The following RBFOX1 variants were observed in gnomAD, a reference collection of about 807,000 sequenced individuals.
RBFOX1 encodes RNA binding protein fox-1 homolog 1.
A neutral mutation model predicts 57.7 loss-of-function variants in RBFOX1; 8 were observed. The ratio of observed to expected loss-of-function variants is 0.14; its 90% CI spans 0.08 to 0.25. The LOEUF is 0.25. Among genes scored for constraint, RBFOX1 ranks in the 10% least tolerant of loss-of-function variants. RBFOX1 has a pLI of 1.00. For synonymous variants in RBFOX1, 326 were observed against 222.4 expected (o/e 1.47, Z -4.15); for missense variants, 611 against 548.5 (o/e 1.11, Z -1.14).
chr16:6,774,423 C>G (rs1471783776), intron 3 of RBFOX1, among the ~76,000 whole-genome samples: 2 of 152,136 alleles, frequency 1.3e-5, no homozygotes, highest in East Asian at 1.9e-4. Context: ...AACTGGGACT[C>G]TAAATAATAG....
intron 1 of RBFOX1, among the ~76,000 whole-genome samples, chr16:6,156,306 T>A (rs2152734736): frequency 6.6e-6 from 1 of 152,332 alleles, no homozygotes. Flanking sequence ...ATTGATTTTG[T>A]TAAAGGATTG....
intron 4 of RBFOX1, among the ~76,000 whole-genome samples, chr16:7,401,493 A>G (rs1880817563): frequency 6.6e-6 from 1 of 152,234 alleles, no homozygotes; most frequent in African/African-American, 2.4e-5. Flanking sequence ...AGACCCTCAA[A>G]CAGATTAGGT....
Position 7,710,898 on chromosome 16 carries a change from T to A in RBFOX1, c.*153T>A, listed in dbSNP as rs1271859910. 9.8e-6 allele frequency: 8 copies of A among 813,782 alleles called. No homozygotes were observed. The highest frequency in any genetic ancestry group is 1.4e-5 in the Non-Finnish European group (8 of 588,778). 50.4% of individuals were successfully genotyped at this position (813,782 alleles called of 1,614,324 possible). A position where few individuals can be genotyped will look rare whatever the true frequency, so the allele number is the denominator to read the frequency against. ...AAAAAAAATTACATTTTTTATCTTATACCTCAGATATTTTGTTCTGTGTAT... is the reference window on the plus strand; with the variant it reads ...AAAAAAAATTACATTTTTTATCTTAAACCTCAGATATTTTGTTCTGTGTAT... On this transcript the variant is annotated 3_prime_UTR_variant, in exon 16 of 16. Transcript: ENST00000550418.
At chr16:6,448,951 T>A (rs1411981361) in intron 2 of RBFOX1, among the ~76,000 whole-genome samples, 1 of 152,184 alleles carries the variant, frequency 6.6e-6, no homozygotes, top group Non-Finnish European at 1.5e-5. Context: ...AGGCATACAT[T>A]TTCGTAAACT....
intron 2 of RBFOX1, among the ~76,000 whole-genome samples, chr16:6,580,305 C>T (rs1245227602): frequency 6.6e-6 from 1 of 152,134 alleles, no homozygotes; most frequent in Non-Finnish European, 1.5e-5. Flanking sequence ...TTTTCCATCA[C>T]AAATTTTTAT....
At chr16:6,931,870 T>C (rs565017017) in intron 3 of RBFOX1, among the ~76,000 whole-genome samples, 2 of 152,046 alleles carry the variant, frequency 1.3e-5, no homozygotes, top group South Asian at 4.2e-4. Flanking sequence ...GACGAGGGCG[T>C]GGTATAAGGC....
chr16:7,527,390 T>C (rs370756809), intron 5 of RBFOX1, among the ~76,000 whole-genome samples: 101 of 152,288 alleles, frequency 6.6e-4, no homozygotes, highest in African/African-American at 2.3e-3. Context: ...AAATGAATGA[T>C]TTATCCCAAC....
At chr16:6,643,301 G>T (rs1481007371) in intron 2 of RBFOX1, among the ~76,000 whole-genome samples, 1 of 152,180 alleles carries the variant, frequency 6.6e-6, no homozygotes, top group African/African-American at 2.4e-5. Flanking sequence ...GATATTGCAG[G>T]TGCTGAGCTA....
chr16:6,822,553 C>A (rs141992627), intron 3 of RBFOX1, among the ~76,000 whole-genome samples: 1 of 152,210 alleles, frequency 6.6e-6, no homozygotes, highest in African/African-American at 2.4e-5. Flanking sequence ...ACATGTCTTG[C>A]CGTGCACAGT....
chr16:7,287,333 G>T (rs1286891143), intron 4 of RBFOX1, among the ~76,000 whole-genome samples: 1 of 152,234 alleles, frequency 6.6e-6, no homozygotes, highest in Non-Finnish European at 1.5e-5. Flanking sequence ...AGACAAGAAA[G>T]AAACTTCTTT....
chr16:6,966,535 A>G (rs1343851717), intron 3 of RBFOX1, among the ~76,000 whole-genome samples: 6 of 152,040 alleles, frequency 3.9e-5, no homozygotes, highest in Non-Finnish European at 8.8e-5. Flanking sequence ...ACTGAGAGAG[A>G]TGGATCGAGT....
intron 1 of RBFOX1, among the ~76,000 whole-genome samples, chr16:6,199,701 G>A (rs1412727543): frequency 6.6e-6 from 1 of 152,168 alleles, no homozygotes; most frequent in Non-Finnish European, 1.5e-5. Flanking sequence ...GGGGAGAGAT[G>A]AGGGGGTAGC....
At chr16:5,648,358 G>T (rs966746100) in intron 3 of RBFOX1, among the ~76,000 whole-genome samples, 1 of 152,244 alleles carries the variant, frequency 6.6e-6, no homozygotes, top group Non-Finnish European at 1.5e-5. Flanking sequence ...GCATGCGAGT[G>T]TGATCAGAAG....
intron 3 of RBFOX1, among the ~76,000 whole-genome samples, chr16:5,689,987 C>T (rs536188049): frequency 6.6e-6 from 1 of 152,206 alleles, no homozygotes; most frequent in Non-Finnish European, 1.5e-5. Flanking sequence ...GTGCTGCTTG[C>T]ACATGGAACA....
Position 7,375,699 on chromosome 16 carries a change from C to G in RBFOX1, c.28-142448C>G, listed in dbSNP as rs1236627904. 4.6e-5 allele frequency among the ~76,000 whole-genome samples: 7 copies of G among 152,052 alleles called. No homozygotes were observed. The East Asian group carries it at 1.4e-3, about 29-fold the overall frequency. On this transcript the variant is annotated intron_variant, in intron 4 of 15. Transcript: ENST00000550418. ...TCCTTGTTGTTTTAGTAAAGTTTGT[C>G]CTGAGAGCACCTTGCCTATAAATAA...
At chr16:6,268,083 C>G (rs2074750053) in intron 1 of RBFOX1, among the ~76,000 whole-genome samples, 1 of 152,182 alleles carries the variant, frequency 6.6e-6, no homozygotes, top group Non-Finnish European at 1.5e-5. Flanking sequence ...TGGCCTTGCA[C>G]TGGGTAAACA....
intron 3 of RBFOX1, among the ~76,000 whole-genome samples, chr16:5,629,593 T>G (rs2048441242): frequency 6.6e-6 from 1 of 152,222 alleles, no homozygotes; most frequent in African/African-American, 2.4e-5. Context: ...TTAGGACCAA[T>G]GCCTTCTGGT....
chr16:5,680,401 A>T (rs1031618502), intron 3 of RBFOX1, among the ~76,000 whole-genome samples: 1 of 152,174 alleles, frequency 6.6e-6, no homozygotes, highest in Non-Finnish European at 1.5e-5. Flanking sequence ...ATATGGATCC[A>T]TGGGGGCTGA....
intron 2 of RBFOX1, among the ~76,000 whole-genome samples, chr16:6,358,809 A>T (rs1162571341): frequency 2.0e-5 from 3 of 152,154 alleles, no homozygotes; most frequent in Non-Finnish European, 4.4e-5. Context: ...TTTAGAGAAG[A>T]GTGGTTTAAA....
Sources: gnomAD v4.1 joint callset for allele counts (sites outside exome capture counted in the v4.1 genomes callset) on GRCh38, gnomAD v4.1.1 for gene constraint, MANE v1.5 for transcripts, NCBI Gene and HGNC (gene_info 2026-07-23, HGNC 2026-07-21) for gene names.